VSNL1: variants seen among roughly 807,000 people sequenced by gnomAD.
VSNL1 encodes the protein visinin like 1, also known as visinin-like protein 1.
In VSNL1, 6 loss-of-function variants were observed where a neutral mutation model predicts 20.4. The ratio of observed to expected loss-of-function variants is 0.29; its 90% CI spans 0.16 to 0.58. The LOEUF is 0.58. VSNL1 is among the 20% of genes least tolerant of loss of function. VSNL1 has a pLI of 0.90. For synonymous variants in VSNL1, 93 were observed against 86.4 expected (o/e 1.08, Z -0.42); for missense variants, 100 against 234.5 (o/e 0.43, Z 3.75).
intron 2 of VSNL1, among the ~76,000 whole-genome samples, chr2:17,624,865 G>A (rs1665471539): frequency 6.6e-6 from 1 of 152,218 alleles, no homozygotes; most frequent in African/African-American, 2.4e-5. Context: ...GCAGCAACAG[G>A]TAATATTCAA....
At chr2:17,625,805 C>T (rs368273614) in intron 2 of VSNL1, among the ~76,000 whole-genome samples, 17 of 149,684 alleles carry the variant, frequency 1.1e-4, no homozygotes, top group South Asian at 8.5e-4. Flanking sequence ...AAGTTCCTTA[C>T]GGAACTAGGC....
intron 1 of VSNL1, among the ~76,000 whole-genome samples, chr2:17,563,161 G>A (rs1460639598): frequency 1.3e-5 from 2 of 152,188 alleles, no homozygotes; most frequent in Non-Finnish European, 2.9e-5. Flanking sequence ...AAAGGGAGAA[G>A]GGAAATTACT....
chr2:17,641,362 A>G (rs1263634727), intron 2 of VSNL1, among the ~76,000 whole-genome samples: 1 of 152,234 alleles, frequency 6.6e-6, no homozygotes, highest in Non-Finnish European at 1.5e-5. Flanking sequence ...CCACTTGCCT[A>G]GTTTCAAATT....
chr2:17,607,502 C>G (rs906940347), intron 2 of VSNL1, among the ~76,000 whole-genome samples: 4 of 152,168 alleles, frequency 2.6e-5, no homozygotes, highest in Non-Finnish European at 5.9e-5. Flanking sequence ...GGTGTGACCT[C>G]AATGTCTTCC....
At chr2:17,607,437 G>A (rs1479041918) in intron 2 of VSNL1, among the ~76,000 whole-genome samples, 2 of 152,188 alleles carry the variant, frequency 1.3e-5, no homozygotes, top group Non-Finnish European at 1.5e-5. Flanking sequence ...CCTGTTCAAG[G>A]GACAGAATGA....
At chr2:17,622,537 AAAG>A (rs1314046214) in intron 2 of VSNL1, among the ~76,000 whole-genome samples, 3 of 21,224 alleles carry the variant, frequency 1.4e-4, no homozygotes, top group Admixed American at 8.6e-4. Context: ...GAAAGAAAAG[AAAG>A]AAAGAAAGAA....
At chr2:17,647,414 G>A (rs1666022073) in intron 2 of VSNL1, among the ~76,000 whole-genome samples, 1 of 152,124 alleles carries the variant, frequency 6.6e-6, no homozygotes, top group South Asian at 2.1e-4. Context: ...ACAGGTGCCA[G>A]CCCCACCCAG....
intron 1 of VSNL1, among the ~76,000 whole-genome samples, chr2:17,578,400 T>C (rs2103362814): frequency 6.6e-6 from 1 of 152,344 alleles, no homozygotes; most frequent in East Asian, 1.9e-4. Context: ...AGGTTTTCTT[T>C]TGGTTTCAAC....
intron 2 of VSNL1, among the ~76,000 whole-genome samples, chr2:17,632,610 A>G (rs988611430): frequency 2.6e-4 from 40 of 152,126 alleles, no homozygotes; most frequent in African/African-American, 9.6e-4. Context: ...AACAATGATC[A>G]CTCTTAATAA....
chr2:17,649,718 C>T lies in VSNL1; in HGVS notation c.378+93C>T, dbSNP rs774606193. On this transcript the variant is annotated intron_variant, in intron 3 of 3. Transcript: ENST00000295156. The surrounding 1 kb of genome is among the most constrained non-coding windows in gnomAD (Gnocchi z 6.4). ...CAGGCCTTAGTGGCTTCTTCTCTCT[C>T]TGCTCGAGCCCTGCCAGCTGCACAC... 12 of 1,196,094 alleles carry T rather than the reference C, an allele frequency of 1.0e-5. No homozygotes were observed. Among genetic ancestry groups the T allele is most frequent in the Non-Finnish European group, 1.4e-5 (12 of 831,070 alleles). The allele number at this position is 1,196,094 out of a possible 1,614,324, so 74.1% of individuals were successfully genotyped here. A position where few individuals can be genotyped will look rare whatever the true frequency, so the allele number is the denominator to read the frequency against.
At position 17,655,599 on chromosome 2, in the gene VSNL1, A is replaced by G. The variant is rs1338305443; in HGVS notation, c.*205A>G. ...TTGCTAATGAATTTTAAAAGCATAT[A>G]TAAAACAAAACAAACAACCTGCCAC... On this transcript the variant is annotated 3_prime_UTR_variant, in exon 4 of 4. Transcript: ENST00000295156. The surrounding 1 kb of genome is among the most constrained non-coding windows in gnomAD (Gnocchi z 5.2). 8 of 547,796 alleles carry G rather than the reference A, an allele frequency of 1.5e-5. No homozygotes were observed. Among genetic ancestry groups the G allele is most frequent in the Non-Finnish European group, 2.2e-5 (7 of 311,880 alleles). The allele number at this position is 547,796 out of a possible 1,614,324, so 33.9% of individuals were successfully genotyped here. A position where few individuals can be genotyped will look rare whatever the true frequency, so the allele number is the denominator to read the frequency against.
intron 2 of VSNL1, among the ~76,000 whole-genome samples, chr2:17,607,927 G>C (rs1431919593): frequency 1.3e-5 from 2 of 152,136 alleles, no homozygotes; most frequent in East Asian, 3.8e-4. Context: ...TAACATAACA[G>C]AATAACATAA....
At chr2:17,609,005 C>CAT (rs1401872112) in intron 2 of VSNL1, among the ~76,000 whole-genome samples, 1 of 152,024 alleles carries the variant, frequency 6.6e-6, no homozygotes, top group African/African-American at 2.4e-5. Flanking sequence ...CACACATGCA[C>CAT]ATATATATAT....
At chr2:17,571,447 G>A (rs901687171) in intron 1 of VSNL1, among the ~76,000 whole-genome samples, 9 of 152,176 alleles carry the variant, frequency 5.9e-5, no homozygotes, top group African/African-American at 1.2e-4. Context: ...TAAAGTTGAC[G>A]TTTCTTTCAA....
At chr2:17,639,061 C>T (rs559070178) in intron 2 of VSNL1, among the ~76,000 whole-genome samples, 3 of 152,288 alleles carry the variant, frequency 2.0e-5, no homozygotes, top group Admixed American at 1.3e-4. Flanking sequence ...CCCAGATTCC[C>T]GCAGGGATCT....
intron 2 of VSNL1, among the ~76,000 whole-genome samples, chr2:17,598,248 A>AT (rs538019492): frequency 5.0e-4 from 76 of 152,220 alleles, no homozygotes; most frequent in Admixed American, 9.8e-4. Context: ...TAATTATAGG[A>AT]TTTTAGGTGC....
At chr2:17,565,013 G>A (rs889046277) in intron 1 of VSNL1, among the ~76,000 whole-genome samples, 1 of 152,222 alleles carries the variant, frequency 6.6e-6, no homozygotes, top group Non-Finnish European at 1.5e-5. Context: ...AAATGGACAT[G>A]CTTTAAATTA....
At chr2:17,561,357 C>T (rs1663810509) in intron 1 of VSNL1, among the ~76,000 whole-genome samples, 1 of 152,138 alleles carries the variant, frequency 6.6e-6, no homozygotes, top group African/African-American at 2.4e-5. Flanking sequence ...GAAGCCCTAG[C>T]ATGTACAAGG....
At chr2:17,654,843 C>T (rs572705765) in intron 3 of VSNL1, among the ~76,000 whole-genome samples, 51 of 152,340 alleles carry the variant, frequency 3.3e-4, no homozygotes, top group Admixed American at 2.3e-3. Context: ...CCACATCCCA[C>T]GCTCCAGCAG....
Sources: gnomAD v4.1 joint callset for allele counts (sites outside exome capture counted in the v4.1 genomes callset) on GRCh38, gnomAD v4.1.1 for gene constraint, Gnocchi (gnomAD v3.1) non-coding constraint, MANE v1.5 for transcripts, NCBI Gene and HGNC (gene_info 2026-07-23, HGNC 2026-07-21) for gene names.